Variants in CAMK2D observed in about 807,000 individuals in gnomAD.
The protein encoded by CAMK2D is calcium/calmodulin dependent protein kinase II delta.
A neutral mutation model predicts 84.0 loss-of-function variants in CAMK2D; 37 were observed. That is an observed-to-expected ratio of 0.44 (90% CI 0.34 to 0.58). The LOEUF (loss-of-function observed/expected upper bound fraction) is 0.58, where lower values mean the gene tolerates loss of function less well. CAMK2D is among the 20% of genes least tolerant of loss of function. The pLI, the probability that CAMK2D is intolerant of heterozygous loss-of-function variation, is 0.02. For synonymous variants in CAMK2D, 202 were observed against 212.5 expected (o/e 0.95, Z 0.43); for missense variants, 448 against 652.5 (o/e 0.69, Z 3.41).
chr4:113,688,630 C>T (rs1475038437), intron 2 of CAMK2D, among the ~76,000 whole-genome samples: 2 of 152,078 alleles, frequency 1.3e-5, no homozygotes, highest in East Asian at 3.9e-4. Flanking sequence ...TCTTCTAGTT[C>T]CTATTGCCCC....
chr4:113,746,525 A>G (rs1197107465), intron 2 of CAMK2D, among the ~76,000 whole-genome samples: 1 of 152,178 alleles, frequency 6.6e-6, no homozygotes, highest in East Asian at 1.9e-4. Context: ...TTCTCTGTCA[A>G]TATAAGACAG....
At chr4:113,736,144 AAC>A (rs1491194774) in intron 2 of CAMK2D, among the ~76,000 whole-genome samples, 1 of 149,498 alleles carries the variant, frequency 6.7e-6, no homozygotes, top group East Asian at 1.9e-4. Context: ...AAAAAAAAAA[AAC>A]AACACCCAGT....
intron 3 of CAMK2D, 102 bp from the exon 4 acceptor site, chr4:113,609,308 G>T (rs1029242666): frequency 3.2e-5 from 22 of 696,238 alleles, no homozygotes; most frequent in Non-Finnish European, 4.0e-5. Flanking sequence ...AGAAATGTTG[G>T]CATTACATTT....
At chr4:113,700,301 T>C (rs1019684321) in intron 2 of CAMK2D, among the ~76,000 whole-genome samples, 2 of 152,188 alleles carry the variant, frequency 1.3e-5, no homozygotes, top group African/African-American at 2.4e-5. Context: ...TACCAATTCA[T>C]AATAAAGACC....
intron 2 of CAMK2D, among the ~76,000 whole-genome samples, chr4:113,711,734 C>A (rs867321782): frequency 6.6e-6 from 1 of 152,120 alleles, no homozygotes; most frequent in Non-Finnish European, 1.5e-5. Context: ...TATCACAGGG[C>A]CTTCACTAAC....
At chr4:113,457,279 G>T in intron 19 of CAMK2D, 56 bp downstream of exon 19, 1 of 1,600,432 alleles carries the variant, frequency 6.2e-7, no homozygotes, top group Non-Finnish European at 8.5e-7. Flanking sequence ...GGAATAAGTA[G>T]AAGGAGCTGA....
chr4:113,696,800 T>G (rs988888071), intron 2 of CAMK2D, among the ~76,000 whole-genome samples: 1 of 152,106 alleles, frequency 6.6e-6, no homozygotes, highest in African/African-American at 2.4e-5. Flanking sequence ...AACTGAACTG[T>G]AGAAATTTTA....
chr4:113,713,472 T>A (rs2099500803), intron 2 of CAMK2D, among the ~76,000 whole-genome samples: 1 of 148,264 alleles, frequency 6.7e-6, no homozygotes, highest in Non-Finnish European at 1.5e-5. Context: ...ATATGTAATA[T>A]AACAACATTA....
chr4:113,694,750 T>G (rs1177125648), intron 2 of CAMK2D, among the ~76,000 whole-genome samples: 1 of 152,190 alleles, frequency 6.6e-6, no homozygotes, highest in Non-Finnish European at 1.5e-5. Context: ...AAGCTTTTCC[T>G]TATAAGCCAC....
At chr4:113,757,699 T>C (rs1594236839) in intron 2 of CAMK2D, among the ~76,000 whole-genome samples, 2 of 152,136 alleles carry the variant, frequency 1.3e-5, no homozygotes, top group Non-Finnish European at 2.9e-5. Flanking sequence ...AGGTAGTTCT[T>C]TGAAGCAGAA....
At chr4:113,580,508 AAACT>A (rs1387362778) in intron 4 of CAMK2D, among the ~76,000 whole-genome samples, 2 of 152,180 alleles carry the variant, frequency 1.3e-5, no homozygotes, top group Non-Finnish European at 2.9e-5. Flanking sequence ...GATATTCAGA[AAACT>A]AACTAAAATC....
intron 6 of CAMK2D, among the ~76,000 whole-genome samples, chr4:113,543,981 C>G (rs751464111): frequency 4.0e-5 from 6 of 151,866 alleles, no homozygotes; most frequent in East Asian, 3.9e-4. Context: ...TTAGTAGTGA[C>G]GGGGTTTCAC....
chr4:113,707,622 A>G (rs755998837), intron 2 of CAMK2D, among the ~76,000 whole-genome samples: 1 of 152,186 alleles, frequency 6.6e-6, no homozygotes, highest in Non-Finnish European at 1.5e-5. Context: ...ATCCTTTTTA[A>G]CTCCAATTTC....
chr4:113,457,776 T>C (rs2097322362), intron 18 of CAMK2D, among the ~76,000 whole-genome samples: 1 of 152,202 alleles, frequency 6.6e-6, no homozygotes, highest in Non-Finnish European at 1.5e-5. Context: ...TTTATCTGGT[T>C]TCCTTTACAG....
At chr4:113,535,814 TCTTGTGTTCC>T (rs2098485756) in intron 7 of CAMK2D, among the ~76,000 whole-genome samples, 1 of 152,190 alleles carries the variant, frequency 6.6e-6, no homozygotes. Context: ...GTACTTCCTG[TCTTGTGTTCC>T]CACAGCACCT....
At chr4:113,718,563 T>C (rs1351209036) in intron 2 of CAMK2D, among the ~76,000 whole-genome samples, 3 of 152,204 alleles carry the variant, frequency 2.0e-5, no homozygotes, top group Non-Finnish European at 4.4e-5. Context: ...ACTGTATGAC[T>C]CCCAAACCAT....
At chr4:113,500,604 A>G in intron 15 of CAMK2D, 93 bp from the exon 16 acceptor site, 1 of 732,924 alleles carries the variant, frequency 1.4e-6, no homozygotes. Flanking sequence ...ATCATGCAAA[A>G]TTCTTCAGCA....
intron 4 of CAMK2D, among the ~76,000 whole-genome samples, chr4:113,578,411 C>G (rs11731896): frequency 0.73 from 110,240 of 152,018 alleles, 40,264 homozygotes; most frequent in Middle Eastern, 0.78. Flanking sequence ...AGGTTAATGA[C>G]CAAGCCACAC....
At chr4:113,665,891 G>A (rs1403376610) in intron 2 of CAMK2D, among the ~76,000 whole-genome samples, 1 of 152,134 alleles carries the variant, frequency 6.6e-6, no homozygotes, top group African/African-American at 2.4e-5. Flanking sequence ...TGAAGTCAGC[G>A]GGGGAATAAT....
Sources: gnomAD v4.1 joint callset for allele counts (sites outside exome capture counted in the v4.1 genomes callset) on GRCh38, gnomAD v4.1.1 for gene constraint, MANE v1.5 for transcripts, NCBI Gene and HGNC (gene_info 2026-07-23, HGNC 2026-07-21) for gene names.